The following FGF14 variants were observed in gnomAD, a reference collection of about 807,000 sequenced individuals.
FGF14 encodes the protein fibroblast growth factor 14, also known as fibroblast growth factor homologous factor 4.
In FGF14, 5 loss-of-function variants were observed where a neutral mutation model predicts 25.5. The ratio of observed to expected loss-of-function variants is 0.20; its 90% CI spans 0.10 to 0.41. The LOEUF is 0.41. Ranked by LOEUF, FGF14 falls within the 10% of genes least tolerant of loss-of-function variation. The pLI is 1.00. For missense variants in FGF14, 222 were observed against 320.1 expected, an observed-to-expected ratio of 0.69 and a Z score of 2.34; for synonymous variants, 138 against 118.3, an observed-to-expected ratio of 1.17 and a Z score of -1.08.
At chr13:102,032,839 C>G (rs1283562775) in intron 1 of FGF14, among the ~76,000 whole-genome samples, 1 of 152,078 alleles carries the variant, frequency 6.6e-6, no homozygotes, top group South Asian at 2.1e-4. Context: ...CCAGCTATGT[C>G]CTATTCATCC....
At chr13:102,036,850 T>C (rs2041500227) in intron 1 of FGF14, among the ~76,000 whole-genome samples, 1 of 152,130 alleles carries the variant, frequency 6.6e-6, no homozygotes, top group Non-Finnish European at 1.5e-5. Flanking sequence ...TAGAGAAAGA[T>C]AAAGGAATGC....
At chr13:102,241,451 C>T (rs1301445096) in intron 1 of FGF14, among the ~76,000 whole-genome samples, 3 of 152,044 alleles carry the variant, frequency 2.0e-5, no homozygotes, top group Non-Finnish European at 4.4e-5. Flanking sequence ...GTTCTTTCCC[C>T]ATCGTAAAAA....
At chr13:101,865,184 C>T (rs910519017) in intron 3 of FGF14, among the ~76,000 whole-genome samples, 2 of 152,090 alleles carry the variant, frequency 1.3e-5, no homozygotes, top group Non-Finnish European at 2.9e-5. Flanking sequence ...CTTTCATTAC[C>T]AGTTTTTCCT....
At chr13:102,080,536 T>A (rs901529277) in intron 1 of FGF14, among the ~76,000 whole-genome samples, 1 of 152,238 alleles carries the variant, frequency 6.6e-6, no homozygotes, top group Non-Finnish European at 1.5e-5. Flanking sequence ...GGATATTTAA[T>A]AATCACTCTC....
chr13:101,899,206 G>GA (rs71200760), intron 1 of FGF14, among the ~76,000 whole-genome samples: 57,451 of 151,336 alleles, frequency 0.38, 12,894 homozygotes, highest in African/African-American at 0.61. Flanking sequence ...GTAATAAAAA[G>GA]AAAAAAAATC....
chr13:102,367,157 C>T (rs918273344), intron 1 of FGF14: 2 of 152,186 alleles, frequency 1.3e-5, no homozygotes, highest in Non-Finnish European at 2.9e-5. Context: ...TATTTGGGAG[C>T]AGCTTAGTGG....
chr13:102,149,361 GATAAA>G (rs1184413475), intron 1 of FGF14, among the ~76,000 whole-genome samples: 30 of 152,240 alleles, frequency 2.0e-4, no homozygotes, highest in African/African-American at 7.0e-4. Context: ...GGAAGGATAA[GATAAA>G]ATAAGTCAAC....
At chr13:102,079,150 T>G (rs2043500891) in intron 1 of FGF14, among the ~76,000 whole-genome samples, 1 of 152,190 alleles carries the variant, frequency 6.6e-6, no homozygotes, top group Non-Finnish European at 1.5e-5. Context: ...AGTTCTATTT[T>G]CACCATCAGT....
rs1436711794 is a variant in FGF14, at chr13:101,825,912, C to T, written c.408+42813G>A. ...ATATAAAGTTTTTGAAAATAAGAAT[C>T]AAATCACATATATCCCTAAAAGATA... On this transcript the variant is annotated intron_variant, in intron 3 of 4. Coordinates refer to ENST00000376143, the MANE Select transcript of FGF14 (RefSeq NM_004115.4). Among the ~76,000 whole-genome samples the T allele has an allele frequency of 7.9e-5, 12 of 152,126 alleles. 1 individual carries two copies. Among genetic ancestry groups the T allele is most frequent in the Admixed American group, 7.9e-4 (12 of 15,278 alleles).
At chr13:101,879,817 A>C (rs1255984836) in intron 1 of FGF14, among the ~76,000 whole-genome samples, 1 of 152,164 alleles carries the variant, frequency 6.6e-6, no homozygotes, top group Non-Finnish European at 1.5e-5. Flanking sequence ...TGCAGAAAAA[A>C]ATGTGGCAGA....
intron 1 of FGF14, among the ~76,000 whole-genome samples, chr13:101,943,635 C>G (rs2035592022): frequency 6.6e-6 from 1 of 152,036 alleles, no homozygotes; most frequent in Non-Finnish European, 1.5e-5. Flanking sequence ...TGCATGCATT[C>G]AGACACTTGC....
At chr13:101,803,641 T>C (rs139494898) in intron 3 of FGF14, among the ~76,000 whole-genome samples, 30 of 152,136 alleles carry the variant, frequency 2.0e-4, no homozygotes, top group Non-Finnish European at 2.4e-4. Context: ...AGTAATGCAT[T>C]TTAAAAAATA....
chr13:101,784,619 T>G (rs993926827), intron 3 of FGF14, among the ~76,000 whole-genome samples: 3 of 152,220 alleles, frequency 2.0e-5, no homozygotes, highest in Admixed American at 1.3e-4. Flanking sequence ...TTTAACCTTT[T>G]CAATGTTTGA....
chr13:101,998,190 A>C (rs2039291797), intron 1 of FGF14, among the ~76,000 whole-genome samples: 1 of 152,240 alleles, frequency 6.6e-6, no homozygotes. Context: ...TAATGGAAAA[A>C]TGAAAGATAT....
intron 3 of FGF14, among the ~76,000 whole-genome samples, chr13:101,860,278 T>C (rs1257009088): frequency 6.6e-6 from 1 of 152,110 alleles, no homozygotes; most frequent in East Asian, 1.9e-4. Flanking sequence ...GAGACATTTC[T>C]TGTCCTTTTC....
chr13:101,788,445 TA>T (rs1273265349), intron 3 of FGF14, among the ~76,000 whole-genome samples: 1 of 152,146 alleles, frequency 6.6e-6, no homozygotes, highest in Non-Finnish European at 1.5e-5. Context: ...TACATGTGTG[TA>T]AGCACTGAGG....
chr13:102,036,180 C>G (rs756830808), intron 1 of FGF14, among the ~76,000 whole-genome samples: 3 of 152,130 alleles, frequency 2.0e-5, no homozygotes, highest in Non-Finnish European at 4.4e-5. Context: ...AACCACTGGG[C>G]TAAAGCACAG....
At chr13:101,885,784 G>A (rs890574126) in intron 1 of FGF14, among the ~76,000 whole-genome samples, 8 of 151,704 alleles carry the variant, frequency 5.3e-5, no homozygotes, top group South Asian at 4.2e-4. Flanking sequence ...AGATCTGGAA[G>A]GTTTGCAGCT....
chr13:102,346,110 T>A (rs2057097595), intron 1 of FGF14, among the ~76,000 whole-genome samples: 1 of 152,138 alleles, frequency 6.6e-6, no homozygotes, highest in Non-Finnish European at 1.5e-5. Context: ...CTTTAAATTA[T>A]CCCAAATCCT....
Sources: allele counts gnomAD v4.1 joint callset (sites outside exome capture counted in the v4.1 genomes callset), GRCh38; gene constraint gnomAD v4.1.1; transcripts MANE v1.5; gene names NCBI Gene and HGNC (gene_info 2026-07-23, HGNC 2026-07-21).